Variants in UGT8 observed in about 807,000 individuals in gnomAD.
UGT8 encodes UDP glycosyltransferase 8, also known as 2-hydroxyacylsphingosine 1-beta-galactosyltransferase.
In UGT8, 12 loss-of-function variants were observed where a neutral mutation model predicts 40.5. The ratio of observed to expected loss-of-function variants is 0.30; its 90% CI spans 0.19 to 0.48. The LOEUF (loss-of-function observed/expected upper bound fraction) is 0.48. UGT8 is among the 20% of genes least tolerant of loss of function. The pLI, the probability that UGT8 is intolerant of heterozygous loss-of-function variation, is 0.99. For missense variants in UGT8, 513 were observed against 648.7 expected, an observed-to-expected ratio of 0.79 and a Z score of 2.27; for synonymous variants, 224 against 240.4, an observed-to-expected ratio of 0.93 and a Z score of 0.63.
chr4:114,623,001 C>A lies in UGT8; in HGVS notation c.121C>A (p.Leu41Ile). ...AAGCCATATGTACATTTTCAAGACG[C>A]TAGCCTCAGCCTTGCACGAGAGAGG... is the stretch of plus-strand genomic sequence containing the variant. Reference protein sequence around the residue: ...FESHMYIFKTLASALHERGHH... With the variant: ...FESHMYIFKTIASALHERGHH... The change falls in exon 2 of 6, where the codon CTA becomes ATA. Residue 41 changes from leucine to isoleucine, a missense_variant. Around this residue, in one of 3 missense-constraint regions of UGT8, gnomAD observed 335 missense variants for 444.8 expected, o/e 0.75. Coordinates refer to ENST00000310836, the MANE Select transcript of UGT8 (RefSeq NM_001128174.3). The A allele has an allele frequency of 6.2e-7, 1 of 1,614,126 alleles. No homozygotes were observed. Among genetic ancestry groups the A allele is most frequent in the Non-Finnish European group, 8.5e-7 (1 of 1,180,008 alleles).
intron 1 of UGT8, among the ~76,000 whole-genome samples, chr4:114,615,623 C>A (rs570124294): frequency 6.6e-6 from 1 of 152,278 alleles, no homozygotes; most frequent in Admixed American, 6.5e-5. Flanking sequence ...TGTTGTTACA[C>A]CTTTTCTGGT....
intron 1 of UGT8, among the ~76,000 whole-genome samples, chr4:114,615,980 C>T (rs1171624564): frequency 1.3e-5 from 2 of 151,196 alleles, no homozygotes; most frequent in Non-Finnish European, 2.9e-5. Flanking sequence ...CAGAGGAGTA[C>T]CTGGCCATGT....
At chr4:114,650,917 A>G (rs1733860809) in intron 2 of UGT8, among the ~76,000 whole-genome samples, 1 of 151,664 alleles carries the variant, frequency 6.6e-6, no homozygotes, top group African/African-American at 2.4e-5. Flanking sequence ...TTCATAGAAC[A>G]TGTCATTTCC....
At chr4:114,633,073 T>G (rs1257841952) in intron 2 of UGT8, among the ~76,000 whole-genome samples, 1 of 152,306 alleles carries the variant, frequency 6.6e-6, no homozygotes, top group East Asian at 1.9e-4. Context: ...CTTTTTCACA[T>G]GTATAACATT....
chr4:114,665,293 T>G, intron 3 of UGT8: 1 of 708,156 alleles, frequency 1.4e-6, no homozygotes, highest in Non-Finnish European at 1.7e-6. Flanking sequence ...GGATATTGAC[T>G]GCCATAGCAG....
chr4:114,660,326 A>G (rs1734437683), intron 2 of UGT8, among the ~76,000 whole-genome samples: 1 of 152,208 alleles, frequency 6.6e-6, no homozygotes, highest in African/African-American at 2.4e-5. Context: ...CAGAGTCGAT[A>G]TAGACAATAT....
chr4:114,638,733 C>T (rs562566804), intron 2 of UGT8, among the ~76,000 whole-genome samples: 6 of 152,286 alleles, frequency 3.9e-5, no homozygotes, highest in Admixed American at 1.3e-4. Flanking sequence ...AGTTTAATTC[C>T]TCCCACTGGC....
At chr4:114,656,447 C>G (rs866233894) in intron 2 of UGT8, among the ~76,000 whole-genome samples, 1 of 152,128 alleles carries the variant, frequency 6.6e-6, no homozygotes, top group African/African-American at 2.4e-5. Context: ...AGGGAAACGA[C>G]AGTGTTATTT....
chr4:114,667,973 C>A lies in UGT8; in HGVS notation c.1043-112C>A, dbSNP rs190390689. On this transcript the variant is annotated intron_variant, in intron 4 of 5. Coordinates refer to ENST00000310836, the MANE Select transcript of UGT8 (RefSeq NM_001128174.3). ...CAGTGAAATTACACCTTTAGGAATC[C>A]TTTATCTGAAATGCATGTTTACTGT... 1.5e-5 allele frequency: 22 copies of A among 1,465,086 alleles called. No individual in the cohort carries two copies. In the Admixed American group the frequency reaches 2.3e-4, roughly 15 times the overall value. The allele number at this position is 1,465,086 out of a possible 1,614,324, so 90.8% of individuals were successfully genotyped here.
chr4:114,640,310 G>A (rs542439545), intron 2 of UGT8, among the ~76,000 whole-genome samples: 193 of 152,200 alleles, frequency 1.3e-3, no homozygotes, highest in African/African-American at 4.3e-3. Context: ...GATTACAGGC[G>A]TGAGCCACCG....
At chr4:114,599,956 A>G (rs1730344620) in intron 1 of UGT8, among the ~76,000 whole-genome samples, 1 of 152,172 alleles carries the variant, frequency 6.6e-6, no homozygotes, top group Non-Finnish European at 1.5e-5. Flanking sequence ...TAAACCTGCC[A>G]TTGTGCAGCA....
chr4:114,635,177 C>T (rs1293923865), intron 2 of UGT8, among the ~76,000 whole-genome samples: 1 of 151,792 alleles, frequency 6.6e-6, no homozygotes, highest in Non-Finnish European at 1.5e-5. Flanking sequence ...ATGATCAAAC[C>T]CCATCTCTAC....
At chr4:114,627,354 G>T (rs912421169) in intron 2 of UGT8, among the ~76,000 whole-genome samples, 2 of 150,918 alleles carry the variant, frequency 1.3e-5, no homozygotes, top group Non-Finnish European at 2.9e-5. Context: ...TGCCTCCCAG[G>T]TTCAAGTGAT....
At chr4:114,643,070 A>G (rs1309843344) in intron 2 of UGT8, among the ~76,000 whole-genome samples, 1 of 152,134 alleles carries the variant, frequency 6.6e-6, no homozygotes, top group Non-Finnish European at 1.5e-5. Flanking sequence ...TAGTTTGTAT[A>G]ATTGTAGGTG....
At chr4:114,609,412 CAGTT>C (rs1730914022) in intron 1 of UGT8, among the ~76,000 whole-genome samples, 1 of 152,168 alleles carries the variant, frequency 6.6e-6, no homozygotes, top group Non-Finnish European at 1.5e-5. Flanking sequence ...TTCTTTTAAT[CAGTT>C]AGACTTTATC....
intron 1 of UGT8, among the ~76,000 whole-genome samples, chr4:114,606,313 C>T (rs372648238): frequency 1.8e-4 from 27 of 152,274 alleles, no homozygotes; most frequent in African/African-American, 6.5e-4. Flanking sequence ...GTGGTGGTGT[C>T]TTCCTGCTTT....
intron 2 of UGT8, among the ~76,000 whole-genome samples, chr4:114,641,806 T>C (rs576202195): frequency 2.0e-5 from 3 of 152,194 alleles, no homozygotes; most frequent in South Asian, 4.1e-4. Context: ...GATCAAAATT[T>C]CTTTATTGCC....
intron 1 of UGT8, among the ~76,000 whole-genome samples, chr4:114,608,482 G>GT (rs970921707): frequency 6.6e-6 from 1 of 151,676 alleles, no homozygotes; most frequent in Non-Finnish European, 1.5e-5. Flanking sequence ...TTTTCCTGTT[G>GT]TTTTTTCCAG....
At position 114,628,208 on chromosome 4, in the gene UGT8, T is replaced by C. The variant is rs149850349; in HGVS notation, c.822+4506T>C. 7.2e-3 allele frequency among the ~76,000 whole-genome samples: 1,090 copies of C among 152,206 alleles called. 15 individuals carry two copies. Among genetic ancestry groups the C allele is most frequent in the African/African-American group, 0.024 (1,010 of 41,538 alleles). On this transcript the variant is annotated intron_variant, in intron 2 of 5. Coordinates refer to ENST00000310836, the MANE Select transcript of UGT8 (RefSeq NM_001128174.3). The stretch of plus-strand genomic sequence containing the variant: ...AGGCTGAAGTGCAGTGGCATGATCT[T>C]GGCTCACTGTAGCCTCTGCCTCTTG...
Sources: gnomAD v4.1 joint callset for allele counts (sites outside exome capture counted in the v4.1 genomes callset) on GRCh38, gnomAD v4.1.1 for gene constraint, gnomAD v4.1.1 regional missense constraint, MANE v1.5 for transcripts, NCBI Gene and HGNC (gene_info 2026-07-23, HGNC 2026-07-21) for gene names.